Variants in ATF1 observed in about 807,000 individuals in gnomAD.
ATF1 encodes the protein cyclic AMP-dependent transcription factor ATF-1.
In ATF1, 16 loss-of-function variants were observed where a neutral mutation model predicts 34.7. That is an observed-to-expected ratio of 0.46 (90% CI 0.31 to 0.70). The LOEUF is 0.70. Ranked by LOEUF, ATF1 falls within the 30% of genes least tolerant of loss-of-function variation. ATF1 has a pLI of 0.05. For missense variants in ATF1, 255 were observed against 321.6 expected (o/e 0.79, Z 1.58); for synonymous variants, 105 against 113.1 (o/e 0.93, Z 0.46).
intron 3 of ATF1, among the ~76,000 whole-genome samples, chr12:50,796,231 C>A (rs1941406594): frequency 6.6e-6 from 1 of 150,932 alleles, no homozygotes; most frequent in African/African-American, 2.4e-5. Flanking sequence ...CCTGTCTCTT[C>A]AAAAAATACA....
chr12:50,784,111 C>A (rs1022333924), intron 2 of ATF1, among the ~76,000 whole-genome samples: 6 of 151,622 alleles, frequency 4.0e-5, no homozygotes, highest in African/African-American at 1.2e-4. Context: ...TGCAGTGAGC[C>A]GTGATTGCAC....
At chr12:50,763,668 G>A (rs983024902), upstream of ATF1, 1 of 149,596 alleles carries the variant, frequency 6.7e-6, no homozygotes, top group African/African-American at 2.5e-5. Flanking sequence ...AAAAAGCTGA[G>A]GAAGTCAAAG....
At chr12:50,794,131 T>C (rs1941362716) in intron 2 of ATF1, among the ~76,000 whole-genome samples, 1 of 151,754 alleles carries the variant, frequency 6.6e-6, no homozygotes, top group South Asian at 2.1e-4. Context: ...TTTGTATTTT[T>C]AGTAGAGACG....
chr12:50,797,185 C>G (rs558791450), intron 3 of ATF1, among the ~76,000 whole-genome samples: 173 of 152,258 alleles, frequency 1.1e-3, no homozygotes, highest in Non-Finnish European at 1.7e-3. Context: ...AAGGGCACTT[C>G]CAGCTTCTAG....
At chr12:50,802,396 G>A (rs753439564) in intron 3 of ATF1, among the ~76,000 whole-genome samples, 85 of 152,186 alleles carry the variant, frequency 5.6e-4, no homozygotes, top group Non-Finnish European at 8.4e-4. Flanking sequence ...CTGGTGGCAC[G>A]CGCCTGTAGT....
Position 50,820,062 on chromosome 12 carries a change from A to G in ATF1, c.*283A>G. 3.6e-6 allele frequency: 1 copy of G among 275,224 alleles called. No homozygotes were observed. Among genetic ancestry groups the G allele is most frequent in the African/African-American group, 2.2e-5 (1 of 45,968 alleles). The allele number at this position is 275,224 out of a possible 1,614,324, so 17.0% of individuals were successfully genotyped here. On this transcript the variant is annotated 3_prime_UTR_variant, in exon 7 of 7. Coordinates refer to ENST00000262053, the MANE Select transcript of ATF1 (RefSeq NM_005171.5). ...TTTTCTAAATAACCAATAGTTGCCA[A>G]TCTAAAATGGCAGAGAAGATGAAAT...
At chr12:50,810,262 G>A (rs1941708088) in intron 4 of ATF1, among the ~76,000 whole-genome samples, 1 of 142,472 alleles carries the variant, frequency 7.0e-6, no homozygotes, top group African/African-American at 2.6e-5. Flanking sequence ...CTGTTGCCCA[G>A]ATTAGAGTGC....
At chr12:50,811,785 G>A (rs1941743731) in intron 4 of ATF1, among the ~76,000 whole-genome samples, 1 of 151,994 alleles carries the variant, frequency 6.6e-6, no homozygotes, top group African/African-American at 2.4e-5. Flanking sequence ...AGCAAGACCA[G>A]TCTCAGAAAA....
rs1592177476 is a variant in ATF1, at chr12:50,784,138, G to A, written c.93+3900G>A. Among the ~76,000 whole-genome samples, 5 of 152,108 alleles carry A rather than the reference G, an allele frequency of 3.3e-5. No homozygotes were observed. In the South Asian group the frequency reaches 1.0e-3, roughly 32 times the overall value. On this transcript the variant is annotated intron_variant, in intron 2 of 6. Transcript: ENST00000262053. Reference sequence around the variant, plus strand: ...TGATTGCACCATTGCACTCCAGGCTGGGTCACAGCATGATCCTGTCTCAAA... The same window carrying A: ...TGATTGCACCATTGCACTCCAGGCTAGGTCACAGCATGATCCTGTCTCAAA...
chr12:50,813,868 C>A, intron 4 of ATF1, 142 bp from the exon 5 acceptor site: 2 of 729,920 alleles, frequency 2.7e-6, no homozygotes, highest in Non-Finnish European at 4.3e-6. Flanking sequence ...TGTAGTTCAC[C>A]TAAAGTAAAG....
In ATF1 at chr12:50,809,393, AAATTATT is replaced by A. The variant is rs1464696655; in HGVS notation, c.195-62_195-56del. 5,042 of 1,237,322 alleles carry A rather than the reference AAATTATT, an allele frequency of 4.1e-3. 38 individuals carry two copies. Among genetic ancestry groups the A allele is most frequent in the Non-Finnish European group, 4.4e-3 (3,958 of 902,718 alleles). The allele number at this position is 1,237,322 out of a possible 1,614,324, so 76.6% of individuals were successfully genotyped here. ...TGTCTCAAAAAAAAAAAAAAAAAAAAAATTATTTTTGTGAAGTCATTCACATTACCAA... is the reference window on the plus strand; with the variant it reads ...TGTCTCAAAAAAAAAAAAAAAAAAAATTTGTGAAGTCATTCACATTACCAA... On this transcript the variant is annotated intron_variant, in intron 3 of 6. Coordinates refer to ENST00000262053, the MANE Select transcript of ATF1 (RefSeq NM_005171.5).
chr12:50,799,983 C>T lies in ATF1; in HGVS notation c.194+3974C>T, dbSNP rs890283078. 7.9e-5 allele frequency among the ~76,000 whole-genome samples: 12 copies of T among 152,210 alleles called. No homozygotes were observed. In the South Asian group the frequency reaches 2.1e-3, roughly 26 times the overall value. On this transcript the variant is annotated intron_variant, in intron 3 of 6. Coordinates refer to ENST00000262053, the MANE Select transcript of ATF1 (RefSeq NM_005171.5). ...AAAAATTACCAAATTTGGTGAAAGACGTAAACCTACAGGTTCAAAAACCTC... is the reference window on the plus strand; with the variant it reads ...AAAAATTACCAAATTTGGTGAAAGATGTAAACCTACAGGTTCAAAAACCTC...
At chr12:50,800,159 G>A (rs1345774556) in intron 3 of ATF1, among the ~76,000 whole-genome samples, 1 of 152,206 alleles carries the variant, frequency 6.6e-6, no homozygotes, top group Non-Finnish European at 1.5e-5. Context: ...ACTACAGAGT[G>A]CTCATCAGAA....
intron 4 of ATF1, among the ~76,000 whole-genome samples, chr12:50,811,937 T>C (rs1043463152): frequency 2.6e-5 from 4 of 152,184 alleles, no homozygotes; most frequent in African/African-American, 9.7e-5. Context: ...CATAGGCCAA[T>C]AGAACTTCGT....
At chr12:50,802,131 TA>T (rs1482569369) in intron 3 of ATF1, among the ~76,000 whole-genome samples, 1 of 152,146 alleles carries the variant, frequency 6.6e-6, no homozygotes, top group African/African-American at 2.4e-5. Context: ...AAATGAAACT[TA>T]AAAACAATTC....
intron 3 of ATF1, among the ~76,000 whole-genome samples, chr12:50,806,765 C>G (rs890386008): frequency 2.0e-5 from 3 of 151,620 alleles, no homozygotes; most frequent in Admixed American, 6.6e-5. Context: ...CCTACTTACT[C>G]AATGATTATG....
At chr12:50,777,909 A>G (rs1397357901) in intron 1 of ATF1, among the ~76,000 whole-genome samples, 1 of 151,624 alleles carries the variant, frequency 6.6e-6, no homozygotes, top group Non-Finnish European at 1.5e-5. Context: ...AATTGTGGAG[A>G]AATATACGTA....
chr12:50,765,028 T>C (rs1040662723), intron 1 of ATF1, among the ~76,000 whole-genome samples: 9 of 152,250 alleles, frequency 5.9e-5, no homozygotes, highest in Admixed American at 4.6e-4. Context: ...TTTCTCACTT[T>C]GATCGACGCC....
rs563750653 is a variant in ATF1, at chr12:50,799,927, G to A, written c.194+3918G>A. ...CAGAAAGAGAGGAAAAAAGTATAGC[G>A]CAGAAAAAATACTTGAAAAAATAAT... On this transcript the variant is annotated intron_variant, in intron 3 of 6. Transcript: ENST00000262053. Among the ~76,000 whole-genome samples the A allele has an allele frequency of 4.6e-5, 7 of 152,202 alleles. No homozygotes were observed. The East Asian group carries it at 5.8e-4, about 13-fold the overall frequency.
Sources: allele counts gnomAD v4.1 joint callset (sites outside exome capture counted in the v4.1 genomes callset), GRCh38; gene constraint gnomAD v4.1.1; transcripts MANE v1.5; gene names NCBI Gene and HGNC (gene_info 2026-07-23, HGNC 2026-07-21).